Variants in SARNP observed in about 807,000 individuals in gnomAD.
SARNP encodes SAP domain-containing ribonucleoprotein.
SARNP carries 5 observed loss-of-function variants against 38.1 expected under a neutral mutation model. The ratio of observed to expected loss-of-function variants is 0.13; its 90% CI spans 0.07 to 0.28. The LOEUF (loss-of-function observed/expected upper bound fraction) is 0.28, where lower values mean the gene tolerates loss of function less well. Ranked by LOEUF, SARNP falls within the 10% of genes least tolerant of loss-of-function variation. The pLI is 1.00. For synonymous variants in SARNP, 84 were observed against 80.6 expected, an observed-to-expected ratio of 1.04 and a Z score of -0.23; for missense variants, 180 against 243.9, an observed-to-expected ratio of 0.74 and a Z score of 1.75.
At chr12:55,793,019 A>C (rs1449781815) in intron 7 of SARNP, 1 of 152,176 alleles carries the variant, frequency 6.6e-6, no homozygotes, top group Non-Finnish European at 1.5e-5. Context: ...CAGGCTCGGC[A>C]CACCTGTAAT....
At chr12:55,805,311 AT>A (rs1160159861) in intron 1 of SARNP, among the ~76,000 whole-genome samples, 1 of 152,260 alleles carries the variant, frequency 6.6e-6, no homozygotes, top group African/African-American at 2.4e-5. Flanking sequence ...CTAGCAAAGC[AT>A]TTAGTGAGTG....
intron 1 of SARNP, among the ~76,000 whole-genome samples, chr12:55,813,773 A>C (rs558770963): frequency 1.5e-4 from 23 of 152,024 alleles, no homozygotes; most frequent in African/African-American, 5.5e-4. Context: ...CGAACTCTCG[A>C]CCTCAGGTGA....
chr12:55,763,961 A>G (rs1169797563), intron 9 of SARNP, among the ~76,000 whole-genome samples: 2 of 152,200 alleles, frequency 1.3e-5, no homozygotes, highest in Non-Finnish European at 2.9e-5. Flanking sequence ...TTTCTTTGGA[A>G]GAACAGTAGG....
chr12:55,767,715 C>T (rs1218624048), intron 9 of SARNP, among the ~76,000 whole-genome samples: 2 of 151,136 alleles, frequency 1.3e-5, no homozygotes, highest in African/African-American at 2.4e-5. Context: ...GGCATGGTGG[C>T]GGGCGCCTGT....
chr12:55,799,081 C>G (rs1467812394), intron 4 of SARNP, among the ~76,000 whole-genome samples: 2 of 151,574 alleles, frequency 1.3e-5, no homozygotes, highest in Admixed American at 1.3e-4. Flanking sequence ...TATATATACA[C>G]ATACATACAT....
At chr12:55,765,829 T>C (rs1292328133) in intron 9 of SARNP, among the ~76,000 whole-genome samples, 2 of 152,122 alleles carry the variant, frequency 1.3e-5, no homozygotes, top group African/African-American at 4.8e-5. Context: ...TAAAGCCTCT[T>C]TCCTCCTTTC....
At chr12:55,761,793 A>C (rs1157232701) in intron 9 of SARNP, 1 of 152,334 alleles carries the variant, frequency 6.6e-6, no homozygotes, top group Non-Finnish European at 1.5e-5. Context: ...AGGATTAGAA[A>C]ACATCTGAAA....
downstream of SARNP, chr12:55,752,667 CA>C (rs1296297294): frequency 3.3e-5 from 5 of 152,250 alleles, no homozygotes; most frequent in East Asian, 9.6e-4. Context: ...ATGGAGCTGA[CA>C]GGGGCATTGG....
At chr12:55,773,989 T>C (rs1324195339) in intron 9 of SARNP, among the ~76,000 whole-genome samples, 4 of 151,606 alleles carry the variant, frequency 2.6e-5, no homozygotes, top group Admixed American at 1.3e-4. Flanking sequence ...ATTACAGGCA[T>C]GAGCCAATGC....
intron 2 of SARNP, among the ~76,000 whole-genome samples, chr12:55,801,707 T>A (rs575431148): frequency 6.6e-6 from 1 of 152,102 alleles, no homozygotes; most frequent in African/African-American, 2.4e-5. Context: ...AGCCTCCCCC[T>A]CCTGGGCTCA....
chr12:55,816,417 C>T lies in SARNP; in HGVS notation c.36+1249G>A, dbSNP rs150638899. Among the ~76,000 whole-genome samples, 355 of 152,216 alleles carry T rather than the reference C, an allele frequency of 2.3e-3. 1 individual carries two copies. Among genetic ancestry groups the T allele is most frequent in the Admixed American group, 5.2e-3 (80 of 15,284 alleles). ...GACCGCTGATATAGTCTATGCATTT[C>T]AGTATCATCAAGTTAACAATAACTC... On this transcript the variant is annotated intron_variant, in intron 1 of 10. Transcript: ENST00000336133.
chr12:55,811,767 T>C (rs779337874), intron 1 of SARNP, among the ~76,000 whole-genome samples: 4 of 152,176 alleles, frequency 2.6e-5, no homozygotes, highest in Non-Finnish European at 5.9e-5. Flanking sequence ...TTCACTAAGA[T>C]TCCTTCTTTG....
intron 1 of SARNP, among the ~76,000 whole-genome samples, chr12:55,807,850 G>A (rs1880202276): frequency 6.7e-6 from 1 of 149,688 alleles, no homozygotes; most frequent in Non-Finnish European, 1.5e-5. Flanking sequence ...TAAGAATCTT[G>A]ATCTTTCTCA....
At chr12:55,777,980 T>C (rs990567200) in intron 9 of SARNP, among the ~76,000 whole-genome samples, 4 of 152,144 alleles carry the variant, frequency 2.6e-5, no homozygotes, top group Admixed American at 2.6e-4. Context: ...ATTGGAACCA[T>C]AATAAAAGTA....
At chr12:55,810,860 T>C (rs1047650793) in intron 1 of SARNP, among the ~76,000 whole-genome samples, 5 of 150,584 alleles carry the variant, frequency 3.3e-5, no homozygotes, top group African/African-American at 1.2e-4. Context: ...GCGGATCACC[T>C]GAGGTCAGGA....
At chr12:55,753,997 T>C (rs1042052229), downstream of SARNP, 3 of 152,186 alleles carry the variant, frequency 2.0e-5, no homozygotes, top group African/African-American at 4.8e-5. Flanking sequence ...GGAAAGCTCC[T>C]GTGACATCAA....
At chr12:55,788,941 G>A in intron 9 of SARNP, 134 bp downstream of exon 9, 1 of 664,974 alleles carries the variant, frequency 1.5e-6, no homozygotes, top group Non-Finnish European at 2.7e-6. Context: ...GAGAGGAGGT[G>A]ACAGTCAATC....
chr12:55,756,653 A>G (rs1345827320), downstream of SARNP: 1 of 152,242 alleles, frequency 6.6e-6, no homozygotes, highest in African/African-American at 2.4e-5. Flanking sequence ...AAGATTAAGC[A>G]GGTTTCAGAT....
At chr12:55,771,011 C>T (rs1412692675) in intron 9 of SARNP, among the ~76,000 whole-genome samples, 1 of 150,840 alleles carries the variant, frequency 6.6e-6, no homozygotes, top group African/African-American at 2.4e-5. Context: ...GATCTCGGCT[C>T]ACTGCAACCT....
Sources: allele counts gnomAD v4.1 joint callset (sites outside exome capture counted in the v4.1 genomes callset), GRCh38; gene constraint gnomAD v4.1.1; transcripts MANE v1.5; gene names NCBI Gene and HGNC (gene_info 2026-07-23, HGNC 2026-07-21).